The following PTPRD variants were observed in gnomAD, a reference collection of about 807,000 sequenced individuals.
PTPRD encodes the protein protein tyrosine phosphatase receptor type D.
A neutral mutation model predicts 214.5 loss-of-function variants in PTPRD; 34 were observed. That is an observed-to-expected ratio of 0.16 (90% CI 0.12 to 0.21). PTPRD has a LOEUF of 0.21. PTPRD is among the 10% of genes least tolerant of loss of function. The probability of loss-of-function intolerance (pLI) is 1.00; values close to 1 mark genes in which losing one functional copy is unlikely to be tolerated. For synonymous variants in PTPRD, 1,128 were observed against 845.7 expected, an observed-to-expected ratio of 1.33 and a Z score of -5.79; for missense variants, 2,545 against 2,398.7, an observed-to-expected ratio of 1.06 and a Z score of -1.27.
intron 7 of PTPRD, among the ~76,000 whole-genome samples, chr9:9,726,948 TAACA>T (rs1315803636): frequency 6.6e-6 from 1 of 152,076 alleles, no homozygotes; most frequent in African/African-American, 2.4e-5. Flanking sequence ...GTATGTACAA[TAACA>T]AACAGAGAAT....
chr9:8,729,448 T>TA (rs112187399), intron 12 of PTPRD, among the ~76,000 whole-genome samples: 77,385 of 149,856 alleles, frequency 0.52, 19,966 homozygotes, highest in Non-Finnish European at 0.54. Context: ...TAGGTCAAAT[T>TA]AAAAAAAAAA....
chr9:10,208,796 T>C (rs1476233535), intron 3 of PTPRD, among the ~76,000 whole-genome samples: 1 of 152,098 alleles, frequency 6.6e-6, no homozygotes, highest in East Asian at 1.9e-4. Flanking sequence ...CTTGAGTAAA[T>C]ATAAAAATGA....
chr9:9,057,931 A>C (rs1264409757), intron 10 of PTPRD, among the ~76,000 whole-genome samples: 1 of 152,218 alleles, frequency 6.6e-6, no homozygotes, highest in Admixed American at 6.5e-5. Context: ...ATCATAGGCT[A>C]CAATCATTAA....
At chr9:9,262,308 T>C (rs941337013) in intron 9 of PTPRD, among the ~76,000 whole-genome samples, 1 of 150,992 alleles carries the variant, frequency 6.6e-6, no homozygotes, top group South Asian at 2.1e-4. Context: ...CTTTAAAATA[T>C]ATTTTATTTA....
intron 14 of PTPRD, among the ~76,000 whole-genome samples, chr9:8,537,534 G>C (rs955901355): frequency 5.9e-5 from 9 of 151,976 alleles, no homozygotes; most frequent in Admixed American, 3.9e-4. Context: ...TTTTATTTCA[G>C]AGTAGATTTA....
intron 7 of PTPRD, among the ~76,000 whole-genome samples, chr9:9,644,063 A>T (rs1178412811): frequency 1.3e-5 from 2 of 152,094 alleles, no homozygotes; most frequent in Non-Finnish European, 2.9e-5. Context: ...GGTCCCTCAA[A>T]GTTTTTTTTC....
At chr9:9,947,541 A>ATATT (rs1491539386) in intron 4 of PTPRD, among the ~76,000 whole-genome samples, 1 of 25,658 alleles carries the variant, frequency 3.9e-5, no homozygotes, top group Non-Finnish European at 5.8e-5. Context: ...TTTTATATAT[A>ATATT]ATATATATAT....
intron 36 of PTPRD, among the ~76,000 whole-genome samples, chr9:8,398,275 A>T (rs772169410): frequency 4.1e-4 from 62 of 152,134 alleles, no homozygotes; most frequent in Non-Finnish European, 6.3e-4. Flanking sequence ...GGAAGTAGGT[A>T]CTATTAATAA....
chr9:8,783,961 G>T (rs1327512204), intron 11 of PTPRD, among the ~76,000 whole-genome samples: 4 of 152,112 alleles, frequency 2.6e-5, no homozygotes, highest in Admixed American at 1.3e-4. Flanking sequence ...TGCTGCTTTG[G>T]TAATTCACGA....
intron 3 of PTPRD, among the ~76,000 whole-genome samples, chr9:10,153,552 A>T (rs2154280095): frequency 6.6e-6 from 1 of 151,618 alleles, no homozygotes; most frequent in South Asian, 2.1e-4. Flanking sequence ...ACAATTTTTT[A>T]AACTTTAAGT....
chr9:8,652,687 T>C (rs973115117), intron 12 of PTPRD, among the ~76,000 whole-genome samples: 1 of 152,214 alleles, frequency 6.6e-6, no homozygotes, highest in African/African-American at 2.4e-5. Flanking sequence ...TGCACCACTC[T>C]AAAATATGAA....
In PTPRD at chr9:10,194,317, C is replaced by CAT. The variant is rs5896377; in HGVS notation, c.-545+146644_-545+146645dup. ...ATTTGCTGAGCATCATATAGCTATT[C>CAT]ATATATATATATATATATATATATA... On this transcript the variant is annotated intron_variant, in intron 3 of 45. Transcript: ENST00000381196. 1.8e-3 allele frequency among the ~76,000 whole-genome samples: 140 copies of CAT among 75,772 alleles called. 1 individual carries two copies. The highest frequency in any genetic ancestry group is 5.1e-3 in the African/African-American group (96 of 19,000). 49.7% of individuals were successfully genotyped at this position (75,772 alleles called of 152,430 possible).
At chr9:9,160,312 T>C (rs1277078581) in intron 10 of PTPRD, among the ~76,000 whole-genome samples, 1 of 151,942 alleles carries the variant, frequency 6.6e-6, no homozygotes, top group Non-Finnish European at 1.5e-5. Context: ...CAAAAATATA[T>C]AAGGAACTCA....
intron 27 of PTPRD, 145 bp from the exon 28 acceptor site, chr9:8,486,494 A>G (rs1234008175): frequency 2.5e-6 from 2 of 785,342 alleles, no homozygotes; most frequent in Admixed American, 1.8e-5. Flanking sequence ...TTTGACCTAC[A>G]TACCTTTGTG....
chr9:10,017,712 G>C (rs1283214182), intron 4 of PTPRD, among the ~76,000 whole-genome samples: 1 of 151,984 alleles, frequency 6.6e-6, no homozygotes, highest in Admixed American at 6.6e-5. Flanking sequence ...TCTGGAATCT[G>C]TATTCTGTTC....
chr9:8,686,172 TAA>T (rs1447589461), intron 12 of PTPRD, among the ~76,000 whole-genome samples: 3 of 152,222 alleles, frequency 2.0e-5, no homozygotes, highest in Non-Finnish European at 2.9e-5. Context: ...TAGTAAAAAA[TAA>T]AGTTTGTCTG....
intron 8 of PTPRD, among the ~76,000 whole-genome samples, chr9:9,542,865 C>G (rs2077925054): frequency 6.6e-6 from 1 of 151,638 alleles, no homozygotes; most frequent in Admixed American, 6.6e-5. Flanking sequence ...GGGTTTTGTG[C>G]TGCAGGAGCA....
At chr9:10,402,237 G>A (rs1204934838) in intron 2 of PTPRD, among the ~76,000 whole-genome samples, 6 of 151,590 alleles carry the variant, frequency 4.0e-5, no homozygotes, top group Non-Finnish European at 7.4e-5. Context: ...GCAATAAATA[G>A]CTACATGGGG....
At chr9:10,264,766 CA>C (rs767388107) in intron 3 of PTPRD, among the ~76,000 whole-genome samples, 203 of 152,142 alleles carry the variant, frequency 1.3e-3, no homozygotes, top group Non-Finnish European at 2.1e-3. Flanking sequence ...TGGGAGGGAC[CA>C]GGGGCGGAAT....
Sources: allele counts gnomAD v4.1 joint callset (sites outside exome capture counted in the v4.1 genomes callset), GRCh38; gene constraint gnomAD v4.1.1; transcripts MANE v1.5; gene names NCBI Gene and HGNC (gene_info 2026-07-23, HGNC 2026-07-21).